CCDC40: variants seen among roughly 807,000 people sequenced by gnomAD.
CCDC40 encodes coiled-coil domain 40 molecular ruler complex subunit.
Under a neutral mutation model 124.5 loss-of-function variants are expected in CCDC40, and 104 were observed. The ratio of observed to expected loss-of-function variants is 0.84; its 90% CI spans 0.71 to 0.98. The LOEUF is 0.98. CCDC40 is among the 50% of genes least tolerant of loss of function. CCDC40 has a pLI of 0.00. For missense variants in CCDC40, 1,463 were observed against 1,503.9 expected, an observed-to-expected ratio of 0.97 and a Z score of 0.45; for synonymous variants, 580 against 602.9, an observed-to-expected ratio of 0.96 and a Z score of 0.56.
intron 10 of CCDC40, among the ~76,000 whole-genome samples, chr17:80,074,605 G>A (rs902491708): frequency 3.9e-5 from 6 of 152,144 alleles, no homozygotes; most frequent in African/African-American, 7.2e-5. Context: ...CATAGCAAGA[G>A]CCTGTCTCTA....
At chr17:80,072,943 C>T (rs1275560543) in intron 10 of CCDC40, among the ~76,000 whole-genome samples, 3 of 151,512 alleles carry the variant, frequency 2.0e-5, no homozygotes, top group Non-Finnish European at 2.9e-5. Flanking sequence ...AGGCGCATCT[C>T]GTTTCAGTGT....
At chr17:80,082,189 A>C in intron 12 of CCDC40, 131 bp downstream of exon 12, 2 of 634,272 alleles carry the variant, frequency 3.2e-6, no homozygotes, top group Non-Finnish European at 5.2e-6. Context: ...ACTCCTTTCC[A>C]TGGTGTTCAG....
intron 18 of CCDC40, 46 bp downstream of exon 18, chr17:80,095,497 G>A (rs755770280): frequency 3.2e-6 from 5 of 1,582,608 alleles, no homozygotes; most frequent in Non-Finnish European, 4.3e-6. Flanking sequence ...CCTCTCTCTG[G>A]GATTCAAGGA....
intron 9 of CCDC40, among the ~76,000 whole-genome samples, chr17:80,063,501 G>A (rs1322200341): frequency 3.3e-5 from 5 of 152,108 alleles, no homozygotes; most frequent in Non-Finnish European, 4.4e-5. Context: ...GGGAGGCCTC[G>A]CACAGGCTCA....
In CCDC40 at chr17:80,062,764, T is replaced by C. The variant is rs9898169; in HGVS notation, c.1441-2721T>C. Among the ~76,000 whole-genome samples, 584 of 152,198 alleles carry C rather than the reference T, an allele frequency of 3.8e-3. 4 individuals carry two copies. The highest frequency in any genetic ancestry group is 0.014 in the African/African-American group (569 of 41,528). ...CGTGCTAATTTTTTTATTATGATTA[T>C]TCTTTTTGTAGAGACGGTGTTTCTT... On this transcript the variant is annotated intron_variant, in intron 9 of 19. Coordinates refer to ENST00000397545, the MANE Select transcript of CCDC40 (RefSeq NM_017950.4).
At chr17:80,060,492 CAAA>C (rs201142020) in intron 9 of CCDC40, among the ~76,000 whole-genome samples, 3 of 121,660 alleles carry the variant, frequency 2.5e-5, no homozygotes, top group Non-Finnish European at 3.5e-5. Flanking sequence ...CCCGGGAGGT[CAAA>C]AAAAAAAAAA....
rs879718418 is a variant in CCDC40, at chr17:80,044,735, ATATC to A, written c.553-2542_553-2539del. On this transcript the variant is annotated intron_variant, in intron 3 of 19. Coordinates refer to ENST00000397545, the MANE Select transcript of CCDC40 (RefSeq NM_017950.4). The stretch of plus-strand genomic sequence containing the variant: ...AAAAAAAATATATATATATATATAT[ATATC>A]TCAACAACAGCAAAACCAGTGTCTT... 2.5e-3 allele frequency among the ~76,000 whole-genome samples: 335 copies of A among 134,900 alleles called. 1 individual carries two copies. The highest frequency in any genetic ancestry group is 4.2e-3 in the Non-Finnish European group (262 of 62,214). 88.5% of individuals were successfully genotyped at this position (134,900 alleles called of 152,430 possible). A position where few individuals can be genotyped will look rare whatever the true frequency, so the allele number is the denominator to read the frequency against.
intron 5 of CCDC40, among the ~76,000 whole-genome samples, chr17:80,049,343 T>G (rs1022249836): frequency 6.7e-6 from 1 of 149,452 alleles, no homozygotes; most frequent in Non-Finnish European, 1.5e-5. Flanking sequence ...AGGCGGAGGT[T>G]GCATGCAGAC....
rs2038876930 is a variant in CCDC40, at chr17:80,099,573, A to G, written c.3227A>G (p.Gln1076Arg). The G allele has an allele frequency of 6.2e-7, 1 of 1,613,070 alleles. No individual in the cohort carries two copies. Among genetic ancestry groups the G allele is most frequent in the Non-Finnish European group, 8.5e-7 (1 of 1,180,020 alleles). The change falls in exon 20 of 20, where the codon CAG becomes CGG. Residue 1076 changes from glutamine (Q) to arginine (R), a missense_variant. Physicochemically the swap from Gln to Arg is conservative, Grantham distance 43 (BLOSUM62 1). Coordinates refer to ENST00000397545, the MANE Select transcript of CCDC40 (RefSeq NM_017950.4). The part of the protein sequence containing the change: ...VALQTRLKHL[Q>R]AVKEGRYVFL... ...CTGCAGACACGCCTTAAGCACCTGC[A>G]GGCTGTGAAGGAGGGGCGCTACGTG...
At position 80,048,679 on chromosome 17, in the gene CCDC40, T is replaced by C. The variant is rs1481828448; in HGVS notation, c.773T>C (p.Met258Thr). Residue 258 changes from methionine (M) to threonine (T), a missense_variant, in exon 5 of 20, where the codon ATG (methionine) becomes ACG (threonine). Physicochemically the swap from Met to Thr is moderately conservative, Grantham distance 81. Transcript: ENST00000397545. Reference protein sequence around the residue: ...IQQPSTEEGAMAERVESEGSD... With the variant: ...IQQPSTEEGATAERVESEGSD... ...CAGCCCAGCACCGAGGAGGGGGCCA[T>C]GGCAGAGAGAGTGGAGTCCGAGGGG... The C allele has an allele frequency of 1.2e-6, 2 of 1,614,034 alleles. No homozygotes were observed. The highest frequency in any genetic ancestry group is 1.7e-5 in the Admixed American group (1 of 60,016).
chr17:80,059,928 C>T (rs1042252112), intron 9 of CCDC40, among the ~76,000 whole-genome samples: 2 of 152,104 alleles, frequency 1.3e-5, no homozygotes, highest in Non-Finnish European at 2.9e-5. Context: ...AAAGGGAGGG[C>T]CCGGGGCTGG....
Position 80,087,822 on chromosome 17 carries a change from C to A in CCDC40, c.2619+46C>A. On this transcript the variant is annotated intron_variant, in intron 15 of 19. Coordinates refer to ENST00000397545, the MANE Select transcript of CCDC40 (RefSeq NM_017950.4). The surrounding 1 kb of genome is among the most constrained non-coding windows in gnomAD (Gnocchi z 4.5). The stretch of plus-strand genomic sequence containing the variant: ...TCCCGGGGCTCAGGACGATGGAGGG[C>A]GGGGGTACGGTCCTTGCGGTGGGCG... 6.3e-7 allele frequency: 1 copy of A among 1,577,152 alleles called. No homozygotes were observed. Among genetic ancestry groups the A allele is most frequent in the Non-Finnish European group, 8.7e-7 (1 of 1,147,080 alleles).
intron 10 of CCDC40, among the ~76,000 whole-genome samples, chr17:80,081,289 G>A (rs1185680525): frequency 6.6e-6 from 1 of 152,054 alleles, no homozygotes; most frequent in Non-Finnish European, 1.5e-5. Flanking sequence ...AGAGGTTGAG[G>A]CATGAGACTC....
rs1339475492 is a variant in CCDC40, at chr17:80,037,686, AAAAGATATAC to A, written c.30-435_30-426del. The stretch of plus-strand genomic sequence containing the variant: ...ATAGCTTGAATCTTTAATTTTTTAA[AAAAGATATAC>A]ATATATATATATATATATATATATT... On this transcript the variant is annotated intron_variant, in intron 1 of 19. Coordinates refer to ENST00000397545, the MANE Select transcript of CCDC40 (RefSeq NM_017950.4). Among the ~76,000 whole-genome samples, 47 of 26,234 alleles carry A rather than the reference AAAAGATATAC, an allele frequency of 1.8e-3. 1 individual carries two copies. The East Asian group carries it at 0.025, about 14-fold the overall frequency. The allele number at this position is 26,234 out of a possible 152,430, so 17.2% of individuals were successfully genotyped here. A position where few individuals can be genotyped will look rare whatever the true frequency, so the allele number is the denominator to read the frequency against.
chr17:80,090,023 G>A, intron 17 of CCDC40, 139 bp downstream of exon 17: 2 of 1,538,774 alleles, frequency 1.3e-6, no homozygotes, highest in Non-Finnish European at 1.8e-6. Flanking sequence ...GGCAATGGGT[G>A]AGATTTCCAG....
At chr17:80,049,845 C>T in intron 5 of CCDC40, 61 bp from the exon 6 acceptor site, 1 of 1,473,178 alleles carries the variant, frequency 6.8e-7, no homozygotes, top group Non-Finnish European at 9.5e-7. Flanking sequence ...CTGGGCTGAG[C>T]CCTGGGTCGG....
intron 4 of CCDC40, among the ~76,000 whole-genome samples, chr17:80,047,742 C>T (rs545990934): frequency 2.6e-4 from 39 of 152,282 alleles, no homozygotes; most frequent in Admixed American, 1.3e-3. Context: ...CCATTTCTCA[C>T]GGGCTCCTGG....
At chr17:80,090,665 G>T in intron 17 of CCDC40, 11 of 1,435,238 alleles carry the variant, frequency 7.7e-6, no homozygotes, top group South Asian at 1.5e-5. Flanking sequence ...CTTCACAGCC[G>T]CGTTGTCTCT....
At chr17:80,045,242 A>G (rs893807804) in intron 3 of CCDC40, among the ~76,000 whole-genome samples, 14 of 152,156 alleles carry the variant, frequency 9.2e-5, no homozygotes, top group African/African-American at 2.9e-4. Context: ...GAGAACAGAA[A>G]TGACTAGAAC....
Sources: allele counts gnomAD v4.1 joint callset (sites outside exome capture counted in the v4.1 genomes callset), GRCh38; gene constraint gnomAD v4.1.1; non-coding constraint Gnocchi (gnomAD v3.1); transcripts MANE v1.5; gene names NCBI Gene and HGNC (gene_info 2026-07-23, HGNC 2026-07-21).